VIPAS39: variants seen among roughly 807,000 people sequenced by gnomAD.
VIPAS39 encodes the protein VPS33B interacting protein, apical-basolateral polarity regulator, spe-39 homolog.
A neutral mutation model predicts 84.7 loss-of-function variants in VIPAS39; 63 were observed. The observed-to-expected ratio is 0.74, with a 90% CI of 0.61 to 0.92. The LOEUF (loss-of-function observed/expected upper bound fraction) is 0.92. VIPAS39 is among the 40% of genes least tolerant of loss of function. VIPAS39 has a pLI of 0.00. For missense variants in VIPAS39, 499 were observed against 604.5 expected (o/e 0.83, Z 1.83); for synonymous variants, 192 against 216.5 (o/e 0.89, Z 0.99).
chr14:77,436,204 A>T (rs1566726179), intron 12 of VIPAS39, among the ~76,000 whole-genome samples: 2 of 152,222 alleles, frequency 1.3e-5, no homozygotes, highest in Admixed American at 6.5e-5. Context: ...TGAGAGTTGG[A>T]ATATTTGGTG....
At chr14:77,443,207 T>G in intron 8 of VIPAS39, 55 bp from the exon 9 acceptor site, 2 of 1,605,446 alleles carry the variant, frequency 1.2e-6, no homozygotes, top group Non-Finnish European at 1.7e-6. Flanking sequence ...AGTCATGCCC[T>G]GAGCACTACA....
intron 10 of VIPAS39, among the ~76,000 whole-genome samples, chr14:77,442,262 G>A (rs957567351): frequency 3.3e-5 from 5 of 152,140 alleles, no homozygotes; most frequent in African/African-American, 7.2e-5. Context: ...CCATTTGATC[G>A]ATGTGAAAAA....
chr14:77,446,588 G>T (rs1475423078), intron 7 of VIPAS39, among the ~76,000 whole-genome samples: 4 of 152,116 alleles, frequency 2.6e-5, no homozygotes, highest in Non-Finnish European at 5.9e-5. Flanking sequence ...CACTGCCAAG[G>T]TGCTACTAAA....
intron 7 of VIPAS39, among the ~76,000 whole-genome samples, chr14:77,446,016 T>G (rs1008748207): frequency 2.0e-5 from 3 of 151,948 alleles, no homozygotes; most frequent in African/African-American, 7.2e-5. Flanking sequence ...AACTACTTTC[T>G]CTGAGCTATG....
intron 17 of VIPAS39, 21 bp downstream of exon 17, chr14:77,429,660 A>G (rs774719100): frequency 1.2e-5 from 20 of 1,612,336 alleles, no homozygotes; most frequent in Admixed American, 3.3e-5. Flanking sequence ...CCTGTACCCA[A>G]CTCTCTTCAG....
At chr14:77,452,546 A>G (rs1271335613) in intron 3 of VIPAS39, among the ~76,000 whole-genome samples, 2 of 152,072 alleles carry the variant, frequency 1.3e-5, no homozygotes, top group African/African-American at 4.8e-5. Context: ...TTGGGAGGCC[A>G]AGGCAGGCGG....
intron 11 of VIPAS39, 39 bp from the exon 12 acceptor site, chr14:77,437,920 C>G: frequency 6.3e-7 from 1 of 1,599,402 alleles, no homozygotes; most frequent in Non-Finnish European, 8.6e-7. Context: ...TATTTTGTCT[C>G]CTTAGATGAG....
At chr14:77,436,034 C>T in intron 12 of VIPAS39, 115 bp from the exon 13 acceptor site, 1 of 976,380 alleles carries the variant, frequency 1.0e-6, no homozygotes, top group Non-Finnish European at 1.6e-6. Flanking sequence ...CAAGTCTGAT[C>T]TCAGTTCACC....
Position 77,442,546 on chromosome 14 carries a change from T to C in VIPAS39, c.734+14A>G, listed in dbSNP as rs762911709. On this transcript the variant is annotated intron_variant, in intron 10 of 19. Transcript: ENST00000557658. ...TACTTACTAAACTTTATAGACCAGA[T>C]GATCAGTTCTTACCTGAAGAGGTCT... The C allele has an allele frequency of 1.9e-6, 3 of 1,601,208 alleles. No homozygotes were observed.
At chr14:77,457,205 C>T (rs2078973309) in intron 1 of VIPAS39, 12 of 1,506,508 alleles carry the variant, frequency 8.0e-6, no homozygotes, top group South Asian at 1.3e-5. Context: ...TACGGGTGAA[C>T]GTCCAGGAAG....
chr14:77,430,050 T>C (rs2078496299), intron 16 of VIPAS39, among the ~76,000 whole-genome samples: 1 of 152,258 alleles, frequency 6.6e-6, no homozygotes, highest in African/African-American at 2.4e-5. Flanking sequence ...ATTTGTAGTA[T>C]GAACTTATCA....
At chr14:77,435,445 A>G in intron 13 of VIPAS39, 52 bp from the exon 14 acceptor site, 1 of 1,598,714 alleles carries the variant, frequency 6.3e-7, no homozygotes, top group Admixed American at 1.8e-5. Context: ...TCCATGGAGT[A>G]GAGGCAGGAG....
At chr14:77,445,040 G>A (rs12886224) in intron 7 of VIPAS39, among the ~76,000 whole-genome samples, 65,710 of 150,842 alleles carry the variant, frequency 0.44, 16,618 homozygotes, top group East Asian at 0.92. Flanking sequence ...CTCACTGCAA[G>A]CCCCGCTTCC....
intron 5 of VIPAS39, 119 bp from the exon 6 acceptor site, chr14:77,449,476 G>T: frequency 7.3e-7 from 1 of 1,363,170 alleles, no homozygotes; most frequent in Non-Finnish European, 1.0e-6. Flanking sequence ...TTAACTTTAT[G>T]GCCAAAAGCA....
intron 6 of VIPAS39, 65 bp downstream of exon 6, chr14:77,449,228 A>G: frequency 1.3e-6 from 2 of 1,525,854 alleles, no homozygotes; most frequent in Non-Finnish European, 1.8e-6. Flanking sequence ...AAATCAAGCC[A>G]GGTAACATAT....
chr14:77,435,340 G>C lies in VIPAS39; in HGVS notation c.966C>G (p.His322Gln). The part of the protein sequence containing the change: ...SAGQTEIFRK[H>Q]PRKASILNMP... Reference sequence around the variant, plus strand: ...TGTTGAGGATGGAGGCTTTGCGGGGGTGCTTTCGGAAGATCTCAGTCTGTC... The same window carrying C: ...TGTTGAGGATGGAGGCTTTGCGGGGCTGCTTTCGGAAGATCTCAGTCTGTC... Residue 322 changes from histidine (H) to glutamine (Q), a missense_variant, in exon 14 of 20, where the codon CAC becomes CAG. Transcript: ENST00000557658. 6.2e-7 allele frequency: 1 copy of C among 1,612,388 alleles called. No individual in the cohort carries two copies. The highest frequency in any genetic ancestry group is 8.5e-7 in the Non-Finnish European group (1 of 1,179,658).
chr14:77,429,334 A>G (rs560344407), intron 17 of VIPAS39, among the ~76,000 whole-genome samples: 1 of 152,308 alleles, frequency 6.6e-6, no homozygotes, highest in South Asian at 2.1e-4. Flanking sequence ...CCAGATACAC[A>G]TGCCAGCAAT....
At position 77,433,876 on chromosome 14, in the gene VIPAS39, G is replaced by T; in HGVS notation, c.1145C>A (p.Ala382Asp). ...TALAARAKLR[A>D]WNDVDALFTT... ...GAATAGGGCATCTACATCATTCCAGGCTCGAAGCTTGGCACGAGCAGCCAG... is the reference window on the plus strand; with the variant it reads ...GAATAGGGCATCTACATCATTCCAGTCTCGAAGCTTGGCACGAGCAGCCAG... Residue 382 changes from alanine to aspartate, a missense_variant, in exon 16 of 20, where the codon GCC becomes GAC. By Grantham distance (126) the Ala-to-Asp change is moderately radical. Transcript: ENST00000557658. 1 of 1,613,994 alleles carries T rather than the reference G, an allele frequency of 6.2e-7. No homozygotes were observed.
rs138544284 is a variant in VIPAS39, at chr14:77,434,280, G to A, written c.1071C>T (p.Asn357=). 3.0e-4 allele frequency: 490 copies of A among 1,613,968 alleles called. No individual in the cohort carries two copies. Among genetic ancestry groups the A allele is most frequent in the Non-Finnish European group, 4.0e-4 (473 of 1,180,002 alleles). The change falls in exon 15 of 20, where the codon AAC becomes AAT. Residue 357 remains asparagine, a synonymous_variant. Transcript: ENST00000557658. ...EAEGTFSSPV[N]LKKTFKIPDK... Reference sequence around the variant, plus strand: ...TATCTACCTTAAATGTCTTCTTCAGGTTGACGGGACTGCTGAATGTCCCCT... The same window carrying A: ...TATCTACCTTAAATGTCTTCTTCAGATTGACGGGACTGCTGAATGTCCCCT...
Sources: gnomAD v4.1 joint callset for allele counts (sites outside exome capture counted in the v4.1 genomes callset) on GRCh38, gnomAD v4.1.1 for gene constraint, MANE v1.5 for transcripts, NCBI Gene and HGNC (gene_info 2026-07-23, HGNC 2026-07-21) for gene names.